Variants in SND1 observed in about 807,000 individuals in gnomAD.
SND1 encodes staphylococcal nuclease domain-containing protein 1.
A neutral mutation model predicts 121.7 loss-of-function variants in SND1; 38 were observed. The ratio of observed to expected loss-of-function variants is 0.31; its 90% confidence interval spans 0.24 to 0.41. The LOEUF (loss-of-function observed/expected upper bound fraction) is 0.41, where lower values mean the gene tolerates loss of function less well. SND1 is among the 10% of genes least tolerant of loss of function. The probability of loss-of-function intolerance (pLI) is 1.00; values close to 1 mark genes in which losing one functional copy is unlikely to be tolerated. For missense variants in SND1, 868 were observed against 1,184.6 expected, an observed-to-expected ratio of 0.73 and a Z score of 3.92; for synonymous variants, 401 against 447.4, an observed-to-expected ratio of 0.90 and a Z score of 1.31.
chr7:127,667,611 GAAAGTT>G (rs760935602), intron 1 of SND1, among the ~76,000 whole-genome samples: 48 of 152,292 alleles, frequency 3.2e-4, no homozygotes, highest in Middle Eastern at 3.4e-3. Context: ...TGGGGAGGAG[GAAAGTT>G]AAAGTTAAAG....
At chr7:127,857,901 G>A (rs1044280078) in intron 12 of SND1, 2 of 1,387,758 alleles carry the variant, frequency 1.4e-6, no homozygotes, top group African/African-American at 1.4e-5. Context: ...GACCACGAAG[G>A]GGGTCCAGCT....
At chr7:127,756,401 G>C (rs949089977) in intron 10 of SND1, among the ~76,000 whole-genome samples, 1 of 152,250 alleles carries the variant, frequency 6.6e-6, no homozygotes, top group African/African-American at 2.4e-5. Flanking sequence ...AGAGCAGAGA[G>C]GGGACTAGAG....
intron 16 of SND1, chr7:128,032,007 G>T (rs1792630293): frequency 6.6e-6 from 1 of 151,588 alleles, no homozygotes; most frequent in South Asian, 2.1e-4. Flanking sequence ...CCTGCGCGCG[G>T]CGCCCACCGT....
At chr7:127,824,452 G>A (rs1798607426) in intron 11 of SND1, among the ~76,000 whole-genome samples, 1 of 152,180 alleles carries the variant, frequency 6.6e-6, no homozygotes, top group South Asian at 2.1e-4. Context: ...GGCCACCTCT[G>A]TGGTTTTCCT....
At chr7:128,043,678 A>T (rs1459700301) in intron 16 of SND1, among the ~76,000 whole-genome samples, 3 of 151,458 alleles carry the variant, frequency 2.0e-5, no homozygotes, top group Non-Finnish European at 4.4e-5. Flanking sequence ...TCTTGGTCTC[A>T]ATTTGATAAA....
intron 15 of SND1, among the ~76,000 whole-genome samples, chr7:127,948,856 A>C (rs768823851): frequency 1.3e-5 from 2 of 152,244 alleles, no homozygotes; most frequent in South Asian, 4.1e-4. Context: ...TTATAGATTC[A>C]TGGTGCTAAC....
At chr7:127,736,259 G>A (rs1197410467) in intron 10 of SND1, among the ~76,000 whole-genome samples, 2 of 152,134 alleles carry the variant, frequency 1.3e-5, no homozygotes, top group Non-Finnish European at 2.9e-5. Context: ...AAAATTTAAA[G>A]AAGAAAATAC....
At chr7:127,928,050 G>A (rs375983372) in intron 14 of SND1, 3 of 152,108 alleles carry the variant, frequency 2.0e-5, no homozygotes, top group South Asian at 2.1e-4. Flanking sequence ...TCTATCACCT[G>A]TTTAATTAGC....
chr7:128,004,924 G>C (rs1802923702), intron 16 of SND1, among the ~76,000 whole-genome samples: 1 of 152,210 alleles, frequency 6.6e-6, no homozygotes, highest in Non-Finnish European at 1.5e-5. Flanking sequence ...AAAAGGACAG[G>C]CCTGTGCCCT....
chr7:128,036,015 C>T (rs1792743524), intron 16 of SND1, among the ~76,000 whole-genome samples: 1 of 152,240 alleles, frequency 6.6e-6, no homozygotes, highest in Non-Finnish European at 1.5e-5. Context: ...GTAGGTCCAT[C>T]AGTGGCAGGA....
At chr7:128,024,715 C>A (rs1031612047) in intron 16 of SND1, among the ~76,000 whole-genome samples, 6 of 152,206 alleles carry the variant, frequency 3.9e-5, no homozygotes, top group Admixed American at 6.5e-5. Flanking sequence ...CTACCTTTAC[C>A]TCCATTGACG....
At chr7:127,864,308 A>G (rs1015197279) in intron 12 of SND1, among the ~76,000 whole-genome samples, 4 of 151,682 alleles carry the variant, frequency 2.6e-5, no homozygotes, top group Admixed American at 6.6e-5. Flanking sequence ...TTTCAATACA[A>G]TCTGATGGCT....
At chr7:128,063,492 T>C (rs13223326) in intron 16 of SND1, among the ~76,000 whole-genome samples, 10,016 of 152,240 alleles carry the variant, frequency 0.066, 422 homozygotes, top group Middle Eastern at 0.19. Flanking sequence ...GTTCTTGAAA[T>C]AGGCCTTCTC....
chr7:127,987,671 G>A (rs1407238850), intron 15 of SND1, among the ~76,000 whole-genome samples: 1 of 152,138 alleles, frequency 6.6e-6, no homozygotes, highest in African/African-American at 2.4e-5. Context: ...CCATCCTTCT[G>A]TCTTTACACC....
intron 20 of SND1, among the ~76,000 whole-genome samples, chr7:128,086,095 T>G (rs1487149987): frequency 6.6e-6 from 1 of 152,200 alleles, no homozygotes; most frequent in African/African-American, 2.4e-5. Flanking sequence ...TGGAGGGCCT[T>G]TACACCCACA....
chr7:127,804,439 G>A (rs911871970), intron 10 of SND1, among the ~76,000 whole-genome samples: 2 of 152,110 alleles, frequency 1.3e-5, no homozygotes, highest in Admixed American at 6.5e-5. Flanking sequence ...ATTTTGTCCT[G>A]TGGAGTGTCT....
chr7:127,727,280 G>T (rs999161571), intron 10 of SND1, among the ~76,000 whole-genome samples: 1 of 152,210 alleles, frequency 6.6e-6, no homozygotes, highest in African/African-American at 2.4e-5. Context: ...AGCTGAGATA[G>T]GTGCATTATT....
At chr7:127,825,894 T>A (rs944962012) in intron 11 of SND1, among the ~76,000 whole-genome samples, 3 of 152,166 alleles carry the variant, frequency 2.0e-5, no homozygotes, top group Non-Finnish European at 4.4e-5. Flanking sequence ...TGTCCTTTTT[T>A]AAAATGGACA....
At position 127,929,298 on chromosome 7, in the gene SND1, G is replaced by A. The variant is rs1395677740; in HGVS notation, c.1638G>A (p.Lys546=). ...CTCGTCTCAAACTCTATTTGCCAAAGGAAACTTGCCTTATCACCTTCTTGC... is the reference window on the plus strand; with the variant it reads ...CTCGTCTCAAACTCTATTTGCCAAAAGAAACTTGCCTTATCACCTTCTTGC... ...SGSRLKLYLP[K]ETCLITFLLA... Residue 546 remains lysine (K), a synonymous_variant, in exon 15 of 24, where the codon AAG becomes AAA. Transcript: ENST00000354725. 1.5e-5 allele frequency: 25 copies of A among 1,613,938 alleles called. No individual in the cohort carries two copies. The highest frequency in any genetic ancestry group is 1.7e-5 in the Non-Finnish European group (20 of 1,179,976).
Sources: gnomAD v4.1 joint callset for allele counts (sites outside exome capture counted in the v4.1 genomes callset) on GRCh38, gnomAD v4.1.1 for gene constraint, MANE v1.5 for transcripts, NCBI Gene and HGNC (gene_info 2026-07-23, HGNC 2026-07-21) for gene names.